EEPD1: variants seen among roughly 807,000 people sequenced by gnomAD.
The protein encoded by EEPD1 is endonuclease/exonuclease/phosphatase family domain containing 1.
Under a neutral mutation model 46.3 loss-of-function variants are expected in EEPD1, and 17 were observed. The ratio of observed to expected loss-of-function variants is 0.37; its 90% CI spans 0.25 to 0.55. The LOEUF (loss-of-function observed/expected upper bound fraction) is 0.55. EEPD1 is among the 20% of genes least tolerant of loss of function. The pLI is 0.83. For synonymous variants in EEPD1, 313 were observed against 315.6 expected (o/e 0.99, Z 0.09); for missense variants, 673 against 745.6 (o/e 0.90, Z 1.13).
intron 2 of EEPD1, among the ~76,000 whole-genome samples, chr7:36,199,431 G>A (rs1158740396): frequency 1.3e-5 from 2 of 152,174 alleles, no homozygotes; most frequent in African/African-American, 4.8e-5. Flanking sequence ...ATGAGGACTT[G>A]CTGAGAGAGG....
intron 3 of EEPD1, among the ~76,000 whole-genome samples, chr7:36,243,957 T>G (rs1023525629): frequency 2.7e-5 from 4 of 150,788 alleles, no homozygotes; most frequent in African/African-American, 4.9e-5. Flanking sequence ...AAATGACGAG[T>G]TAATGGGTGC....
chr7:36,198,064 G>T (rs1785640162), intron 2 of EEPD1, among the ~76,000 whole-genome samples: 1 of 151,998 alleles, frequency 6.6e-6, no homozygotes, highest in African/African-American at 2.4e-5. Context: ...AAGTGAAAAT[G>T]CAGAAATTAT....
chr7:36,262,133 A>G (rs576512671), intron 3 of EEPD1, among the ~76,000 whole-genome samples: 44 of 152,306 alleles, frequency 2.9e-4, no homozygotes, highest in Middle Eastern at 6.8e-3. Context: ...CCCGTGCCCT[A>G]AGGCCTGCCC....
intron 3 of EEPD1, among the ~76,000 whole-genome samples, chr7:36,261,636 A>G (rs142055611): frequency 1.9e-4 from 29 of 152,302 alleles, no homozygotes; most frequent in African/African-American, 6.7e-4. Flanking sequence ...TTAATGATTC[A>G]TTCATTCATT....
intron 3 of EEPD1, among the ~76,000 whole-genome samples, chr7:36,270,449 C>T (rs1236592673): frequency 2.0e-5 from 3 of 152,214 alleles, no homozygotes; most frequent in South Asian, 4.2e-4. Flanking sequence ...CTAATGCTAT[C>T]CCTCCCTAGC....
At position 36,287,959 on chromosome 7, in the gene EEPD1, T is replaced by C. The variant is rs114175672; in HGVS notation, c.1315+182T>C. 3.6e-3 allele frequency among the ~76,000 whole-genome samples: 545 copies of C among 152,322 alleles called. 5 individuals are homozygous for C. Among genetic ancestry groups the C allele is most frequent in the African/African-American group, 0.013 (523 of 41,576 alleles). On this transcript the variant is annotated intron_variant, in intron 6 of 7. Transcript: ENST00000242108. ...AGCTGACCCTGCACGGCCACATCTG[T>C]GCCTCTGTGGACCTAGCATATGCGT... is the stretch of plus-strand genomic sequence containing the variant.
intron 3 of EEPD1, among the ~76,000 whole-genome samples, chr7:36,249,411 T>G (rs150862253): frequency 7.2e-5 from 11 of 152,288 alleles, no homozygotes; most frequent in African/African-American, 2.6e-4. Flanking sequence ...ATCCGGTTCC[T>G]GGGACTGTAT....
At chr7:36,158,078 TC>T (rs1235773998) in intron 2 of EEPD1, among the ~76,000 whole-genome samples, 1 of 152,248 alleles carries the variant, frequency 6.6e-6, no homozygotes, top group Non-Finnish European at 1.5e-5. Flanking sequence ...TACTTGATTT[TC>T]CTAGTAAGTC....
At chr7:36,226,777 T>C (rs1176875223) in intron 2 of EEPD1, among the ~76,000 whole-genome samples, 1 of 152,154 alleles carries the variant, frequency 6.6e-6, no homozygotes. Flanking sequence ...ACATAGATAG[T>C]AACAAGAAGA....
chr7:36,291,897 C>T (rs542980790), intron 6 of EEPD1, among the ~76,000 whole-genome samples: 4 of 152,286 alleles, frequency 2.6e-5, no homozygotes, highest in East Asian at 3.9e-4. Flanking sequence ...AGCTGGGGGG[C>T]GAGTGTTCTT....
intron 3 of EEPD1, among the ~76,000 whole-genome samples, chr7:36,266,675 T>C (rs1787024095): frequency 6.6e-6 from 1 of 152,194 alleles, no homozygotes; most frequent in Non-Finnish European, 1.5e-5. Flanking sequence ...TCTATCTAGT[T>C]CCAAGATATT....
At chr7:36,283,590 G>A (rs1787294444) in intron 4 of EEPD1, among the ~76,000 whole-genome samples, 2 of 152,224 alleles carry the variant, frequency 1.3e-5, no homozygotes, top group South Asian at 4.1e-4. Context: ...CCGCGGCTAA[G>A]TGACTCAGGT....
At chr7:36,284,148 C>T (rs1240010479) in intron 4 of EEPD1, among the ~76,000 whole-genome samples, 1 of 152,228 alleles carries the variant, frequency 6.6e-6, no homozygotes, top group Non-Finnish European at 1.5e-5. Flanking sequence ...AGCCCCAAGC[C>T]ATTAGGTCAA....
intron 7 of EEPD1, among the ~76,000 whole-genome samples, chr7:36,297,939 A>G (rs1384070393): frequency 6.6e-6 from 1 of 152,238 alleles, no homozygotes; most frequent in Non-Finnish European, 1.5e-5. Flanking sequence ...TTATACTTCA[A>G]TGAGAAATTT....
chr7:36,290,958 C>T (rs2115891207), intron 6 of EEPD1, among the ~76,000 whole-genome samples: 1 of 152,274 alleles, frequency 6.6e-6, no homozygotes, highest in South Asian at 2.1e-4. Context: ...GCCTTGATGT[C>T]ATCACCGACG....
chr7:36,216,233 G>A (rs1268425413), intron 2 of EEPD1, among the ~76,000 whole-genome samples: 7 of 152,282 alleles, frequency 4.6e-5, no homozygotes, highest in Non-Finnish European at 2.9e-5. Context: ...TGACTGCCCC[G>A]CACAAGGCTG....
chr7:36,190,920 G>A (rs1280215596), intron 2 of EEPD1, among the ~76,000 whole-genome samples: 1 of 152,154 alleles, frequency 6.6e-6, no homozygotes, highest in Non-Finnish European at 1.5e-5. Context: ...CGGAATGCCC[G>A]GCCTTCCTCA....
intron 3 of EEPD1, among the ~76,000 whole-genome samples, chr7:36,274,878 T>G (rs949421624): frequency 1.3e-5 from 2 of 152,204 alleles, no homozygotes; most frequent in Admixed American, 1.3e-4. Flanking sequence ...ATGTTGCCTC[T>G]GTCATTTGCC....
intron 7 of EEPD1, among the ~76,000 whole-genome samples, chr7:36,298,305 G>C (rs1469280036): frequency 1.3e-5 from 2 of 152,160 alleles, no homozygotes; most frequent in Non-Finnish European, 2.9e-5. Flanking sequence ...CCTTTCAGTG[G>C]TTCCCTTCCT....
Sources: allele counts gnomAD v4.1 joint callset (sites outside exome capture counted in the v4.1 genomes callset), GRCh38; gene constraint gnomAD v4.1.1; transcripts MANE v1.5; gene names NCBI Gene and HGNC (gene_info 2026-07-23, HGNC 2026-07-21).